The following SUGCT variants were observed in gnomAD, a reference collection of about 807,000 sequenced individuals.
The protein encoded by SUGCT is succinyl-CoA:glutarate CoA-transferase.
A neutral mutation model predicts 55.0 loss-of-function variants in SUGCT; 41 were observed. The observed-to-expected ratio is 0.74, with a 90% CI of 0.58 to 0.97. The LOEUF (loss-of-function observed/expected upper bound fraction) is 0.97, where lower values mean the gene tolerates loss of function less well. SUGCT is among the 50% of genes least tolerant of loss of function. The probability of loss-of-function intolerance (pLI) is 0.00; values close to 1 mark genes in which losing one functional copy is unlikely to be tolerated. For missense variants in SUGCT, 568 were observed against 547.8 expected (o/e 1.04, Z -0.37); for synonymous variants, 187 against 200.4 (o/e 0.93, Z 0.56).
At chr7:40,435,831 A>G (rs746821285) in intron 9 of SUGCT, among the ~76,000 whole-genome samples, 4 of 151,538 alleles carry the variant, frequency 2.6e-5, no homozygotes, top group Non-Finnish European at 4.4e-5. Flanking sequence ...GTGACTCTCT[A>G]TATATCTCTT....
intron 12 of SUGCT, among the ~76,000 whole-genome samples, chr7:40,539,853 A>G (rs902552925): frequency 1.7e-4 from 26 of 152,238 alleles, no homozygotes; most frequent in Non-Finnish European, 2.9e-4. Flanking sequence ...AGGTGCTATC[A>G]AACTATGGAT....
the SUGCT span, among the ~76,000 whole-genome samples, chr7:40,996,880 T>G: frequency 6.6e-6 from 1 of 152,200 alleles, no homozygotes; most frequent in Non-Finnish European, 1.5e-5. Context: ...CTGTAATCAA[T>G]CATCAGATGA....
chr7:40,421,496 T>G (rs1176048817), intron 9 of SUGCT, among the ~76,000 whole-genome samples: 1 of 152,184 alleles, frequency 6.6e-6, no homozygotes, highest in Non-Finnish European at 1.5e-5. Flanking sequence ...TCAAGGATGA[T>G]TGGTCTGAAT....
chr7:40,440,420 C>T (rs1292553822), intron 9 of SUGCT, among the ~76,000 whole-genome samples: 1 of 151,986 alleles, frequency 6.6e-6, no homozygotes. Context: ...CTTGGCCTCC[C>T]AAAGTGCCAG....
intron 7 of SUGCT, among the ~76,000 whole-genome samples, chr7:40,251,489 G>A (rs1052162281): frequency 6.6e-6 from 1 of 152,088 alleles, no homozygotes; most frequent in Non-Finnish European, 1.5e-5. Context: ...CAAGCCTTGC[G>A]GGGCTGAGTG....
intron 12 of SUGCT, among the ~76,000 whole-genome samples, chr7:40,592,607 C>G (rs1426077994): frequency 1.3e-5 from 2 of 152,142 alleles, no homozygotes; most frequent in Non-Finnish European, 2.9e-5. Context: ...GTGTAGTAAA[C>G]TTAGAAGTAA....
At chr7:40,633,269 T>G (rs1199685826) in intron 12 of SUGCT, among the ~76,000 whole-genome samples, 1 of 152,238 alleles carries the variant, frequency 6.6e-6, no homozygotes, top group Admixed American at 6.5e-5. Context: ...AAAGTGTCTA[T>G]ATTTTTTTCT....
chr7:40,708,473 A>G (rs915230032), intron 12 of SUGCT, among the ~76,000 whole-genome samples: 1 of 152,090 alleles, frequency 6.6e-6, no homozygotes, highest in South Asian at 2.1e-4. Flanking sequence ...CTCTCCTTTT[A>G]TCTGTGGTCC....
chr7:40,342,134 A>G (rs575550414), intron 9 of SUGCT, among the ~76,000 whole-genome samples: 10 of 152,328 alleles, frequency 6.6e-5, no homozygotes, highest in African/African-American at 1.9e-4. Context: ...GAGAAAGTCT[A>G]TGGCAGATAC....
intron 12 of SUGCT, among the ~76,000 whole-genome samples, chr7:40,714,727 G>A (rs1056295772): frequency 6.6e-6 from 1 of 152,114 alleles, no homozygotes; most frequent in Non-Finnish European, 1.5e-5. Context: ...TTTAACTCTA[G>A]ACATTTTTAA....
the SUGCT span, among the ~76,000 whole-genome samples, chr7:40,990,462 G>A: frequency 3.3e-5 from 5 of 152,166 alleles, no homozygotes; most frequent in Admixed American, 3.3e-4. Context: ...TAGAGTACAG[G>A]CAGAGTATCT....
At chr7:40,216,151 C>A in intron 6 of SUGCT, among the ~76,000 whole-genome samples, 1 of 145,130 alleles carries the variant, frequency 6.9e-6, no homozygotes, top group Admixed American at 6.9e-5. Context: ...ATAAAAGGTG[C>A]TTTAAAAAGA....
chr7:41,023,730 C>T, the SUGCT span, among the ~76,000 whole-genome samples: 6 of 151,990 alleles, frequency 3.9e-5, no homozygotes, highest in African/African-American at 1.5e-4. Context: ...GAGCAATCCC[C>T]AGCAGGGATT....
chr7:40,936,529 A>G, the SUGCT span, among the ~76,000 whole-genome samples: 1 of 151,670 alleles, frequency 6.6e-6, no homozygotes, highest in South Asian at 2.1e-4. Flanking sequence ...ATTTGTTGAT[A>G]TTTTCAAAGA....
chr7:40,626,438 G>A (rs1171475238), intron 12 of SUGCT, among the ~76,000 whole-genome samples: 1 of 150,940 alleles, frequency 6.6e-6, no homozygotes, highest in African/African-American at 2.4e-5. Flanking sequence ...ATTTTTGGGA[G>A]AGGTGAGGTT....
Position 40,360,487 on chromosome 7 carries a change from G to A in SUGCT, c.816+43632G>A, listed in dbSNP as rs188545789. ...CAGTGTGCCAAGCGCTGGGTCTACA[G>A]TGAAGAACAAGCAATTGCCTCTGCC... is the stretch of plus-strand genomic sequence containing the variant. On this transcript the variant is annotated intron_variant, in intron 9 of 13. Coordinates refer to ENST00000335693, the MANE Select transcript of SUGCT (RefSeq NM_001193313.2). Among the ~76,000 whole-genome samples, 7 of 152,334 alleles carry A rather than the reference G, an allele frequency of 4.6e-5. No homozygotes were observed. In the South Asian group the frequency reaches 1.0e-3, roughly 23 times the overall value.
chr7:40,321,129 T>G (rs1584673957), intron 9 of SUGCT, among the ~76,000 whole-genome samples: 1 of 86,934 alleles, frequency 1.2e-5, no homozygotes, highest in African/African-American at 2.9e-5. Context: ...CAGGCTGGAG[T>G]GTATGGTGCG....
the SUGCT span, among the ~76,000 whole-genome samples, chr7:41,017,770 C>CA: frequency 0.49 from 55,509 of 112,806 alleles, 12,235 homozygotes; most frequent in Middle Eastern, 0.54. Context: ...GAGTCCGTCT[C>CA]AAAAAAAAAA....
chr7:40,236,602 G>A (rs1789029390), intron 6 of SUGCT, among the ~76,000 whole-genome samples: 1 of 152,076 alleles, frequency 6.6e-6, no homozygotes, highest in African/African-American at 2.4e-5. Context: ...GGGAGATATT[G>A]TTCTGCTTAA....
Sources: gnomAD v4.1 joint callset for allele counts (sites outside exome capture counted in the v4.1 genomes callset) on GRCh38, gnomAD v4.1.1 for gene constraint, MANE v1.5 for transcripts, NCBI Gene and HGNC (gene_info 2026-07-23, HGNC 2026-07-21) for gene names.